Variants in DPP6 observed in about 807,000 individuals in gnomAD.
DPP6 encodes the protein dipeptidyl peptidase like 6, also known as A-type potassium channel modulatory protein DPP6.
In DPP6, 69 loss-of-function variants were observed where a neutral mutation model predicts 122.6. The observed-to-expected ratio is 0.56, with a 90% CI of 0.46 to 0.69. The LOEUF (loss-of-function observed/expected upper bound fraction) is 0.69, where lower values mean the gene tolerates loss of function less well. Ranked by LOEUF, DPP6 falls within the 30% of genes least tolerant of loss-of-function variation. The pLI, the probability that DPP6 is intolerant of heterozygous loss-of-function variation, is 0.00. For synonymous variants in DPP6, 418 were observed against 433.1 expected (o/e 0.97, Z 0.43); for missense variants, 928 against 1,116.9 (o/e 0.83, Z 2.41).
At position 154,755,474 on chromosome 7, in the gene DPP6, C is replaced by T. The variant is rs192574182; in HGVS notation, c.884-13943C>T. Among the ~76,000 whole-genome samples the T allele has an allele frequency of 0.012, 1,781 of 151,932 alleles. 31 individuals carry two copies. The highest frequency in any genetic ancestry group is 0.04 in the African/African-American group (1,662 of 41,392). On this transcript the variant is annotated intron_variant, in intron 8 of 25. Coordinates refer to ENST00000377770, the MANE Select transcript of DPP6 (RefSeq NM_130797.4). The surrounding 1 kb of genome is among the most constrained non-coding windows in gnomAD (Gnocchi z 4.7). ...TGTGAGCTTCGGCACATTATTTAAACTTTTTTTCCCTTAGTTCCCTTAAGG... is the reference window on the plus strand; with the variant it reads ...TGTGAGCTTCGGCACATTATTTAAATTTTTTTTCCCTTAGTTCCCTTAAGG...
chr7:154,770,181 G>A (rs1389797604), intron 9 of DPP6, among the ~76,000 whole-genome samples: 2 of 152,152 alleles, frequency 1.3e-5, no homozygotes, highest in Admixed American at 6.5e-5. Context: ...CAGCAATTGA[G>A]AAAAGAAAGA....
intron 1 of DPP6, among the ~76,000 whole-genome samples, chr7:154,016,915 G>A (rs1798443688): frequency 1.3e-5 from 2 of 152,162 alleles, no homozygotes; most frequent in Non-Finnish European, 2.9e-5. Flanking sequence ...AGCAATGAAG[G>A]AAAGATAATA....
chr7:153,916,127 T>C (rs1800301399), intron 1 of DPP6, among the ~76,000 whole-genome samples: 1 of 150,598 alleles, frequency 6.6e-6, no homozygotes, highest in African/African-American at 2.4e-5. Context: ...CCACTGCGCC[T>C]GGCTAATGTT....
chr7:154,866,625 C>A (rs1434338995), intron 17 of DPP6, among the ~76,000 whole-genome samples: 1 of 152,318 alleles, frequency 6.6e-6, no homozygotes, highest in East Asian at 1.9e-4. Context: ...ACACGTTTCT[C>A]GCATGCTACG....
intron 1 of DPP6, among the ~76,000 whole-genome samples, chr7:154,346,184 G>A (rs1349446590): frequency 6.6e-6 from 1 of 152,126 alleles, no homozygotes; most frequent in Admixed American, 6.5e-5. Flanking sequence ...TTTCTCAGAG[G>A]TTGGCCCAGA....
intron 4 of DPP6, among the ~76,000 whole-genome samples, chr7:154,559,565 G>T (rs1301312287): frequency 6.6e-6 from 1 of 152,048 alleles, no homozygotes; most frequent in Non-Finnish European, 1.5e-5. Flanking sequence ...AGTTACTTAA[G>T]ATGAGTGACA....
chr7:154,206,714 C>T (rs1334641703), intron 1 of DPP6, among the ~76,000 whole-genome samples: 6 of 152,080 alleles, frequency 3.9e-5, no homozygotes, highest in African/African-American at 9.7e-5. Flanking sequence ...GCATGTGATA[C>T]GGGGTTTTAC....
At chr7:154,032,470 T>C (rs2533793) in intron 1 of DPP6, among the ~76,000 whole-genome samples, 3 of 152,176 alleles carry the variant, frequency 2.0e-5, no homozygotes, top group Admixed American at 6.5e-5. Context: ...CCAAGACAAT[T>C]CCCCAGTAAA....
chr7:154,830,891 T>A (rs1800577318), intron 16 of DPP6, among the ~76,000 whole-genome samples: 1 of 152,212 alleles, frequency 6.6e-6, no homozygotes, highest in South Asian at 2.1e-4. Flanking sequence ...AGGCTTAAGA[T>A]CCCTTTGGTA....
intron 1 of DPP6, among the ~76,000 whole-genome samples, chr7:153,923,561 A>G (rs368377361): frequency 6.6e-6 from 1 of 152,008 alleles, no homozygotes; most frequent in Non-Finnish European, 1.5e-5. Context: ...GGAGATCGAG[A>G]CCATCCTGGC....
intron 16 of DPP6, among the ~76,000 whole-genome samples, chr7:154,808,365 A>G (rs1387679494): frequency 6.6e-6 from 1 of 152,176 alleles, no homozygotes; most frequent in Non-Finnish European, 1.5e-5. Flanking sequence ...CTTCTAAGAC[A>G]GCAAGGAGAC....
Position 154,889,304 on chromosome 7 carries a change from G to A in DPP6, c.2337G>A (p.Leu779=), listed in dbSNP as rs754254386. Residue 779 remains leucine (L), a synonymous_variant, in exon 24 of 26, where the codon CTG becomes CTA. Coordinates refer to ENST00000377770, the MANE Select transcript of DPP6 (RefSeq NM_130797.4). The part of the protein sequence containing the change: ...MTKVAHRVSA[L]EEQQFLIIHP... The stretch of plus-strand genomic sequence containing the variant: ...AGGTAGCCCATCGAGTCTCCGCGCT[G>A]GAAGAACAGCAGTTCCTGATCATTC... 1.9e-5 allele frequency: 31 copies of A among 1,612,900 alleles called. No homozygotes were observed. The highest frequency in any genetic ancestry group is 2.5e-5 in the Non-Finnish European group (29 of 1,179,706).
chr7:154,279,197 G>A (rs1330943174), intron 1 of DPP6, among the ~76,000 whole-genome samples: 2 of 151,996 alleles, frequency 1.3e-5, no homozygotes, highest in African/African-American at 2.4e-5. Context: ...GGACATGTGT[G>A]AGTATGTGAG....
At chr7:153,806,309 C>T in the DPP6 span, among the ~76,000 whole-genome samples, 1 of 151,960 alleles carries the variant, frequency 6.6e-6, no homozygotes, top group Non-Finnish European at 1.5e-5. Flanking sequence ...AGTCCCCTAT[C>T]CAGATGTAAT....
intron 3 of DPP6, among the ~76,000 whole-genome samples, chr7:154,477,406 A>G (rs1181251192): frequency 6.6e-6 from 1 of 152,190 alleles, no homozygotes; most frequent in Non-Finnish European, 1.5e-5. Flanking sequence ...GGTTCAGAGT[A>G]GGTTGGAGGA....
At chr7:153,767,782 G>A in the DPP6 span, among the ~76,000 whole-genome samples, 1 of 152,166 alleles carries the variant, frequency 6.6e-6, no homozygotes, top group African/African-American at 2.4e-5. Context: ...ATTTTTAAAT[G>A]TGCATCATTC....
intron 1 of DPP6, among the ~76,000 whole-genome samples, chr7:154,145,067 A>G (rs1159199547): frequency 6.6e-6 from 1 of 152,112 alleles, no homozygotes; most frequent in Non-Finnish European, 1.5e-5. Context: ...CCTACACACC[A>G]TCTCCCAGTT....
intron 1 of DPP6, among the ~76,000 whole-genome samples, chr7:154,252,490 A>G (rs1203268767): frequency 2.0e-5 from 3 of 152,210 alleles, no homozygotes; most frequent in Non-Finnish European, 4.4e-5. Context: ...TAGATAATGT[A>G]CTGTCTTATT....
chr7:154,269,228 G>A (rs1375829199), intron 1 of DPP6, among the ~76,000 whole-genome samples: 1 of 151,988 alleles, frequency 6.6e-6, no homozygotes, highest in Non-Finnish European at 1.5e-5. Context: ...ATTGAATCAT[G>A]GCTAAAACCA....
Sources: allele counts gnomAD v4.1 joint callset (sites outside exome capture counted in the v4.1 genomes callset), GRCh38; gene constraint gnomAD v4.1.1; non-coding constraint Gnocchi (gnomAD v3.1); transcripts MANE v1.5; gene names NCBI Gene and HGNC (gene_info 2026-07-23, HGNC 2026-07-21).